Variants in GRIN2A observed in about 807,000 individuals in gnomAD.
The protein encoded by GRIN2A is glutamate receptor ionotropic, NMDA 2A.
GRIN2A carries 22 observed loss-of-function variants against 113.4 expected under a neutral mutation model. That is an observed-to-expected ratio of 0.19 (90% CI 0.14 to 0.28). The LOEUF (loss-of-function observed/expected upper bound fraction) is 0.28. Ranked by LOEUF, GRIN2A falls within the 10% of genes least tolerant of loss-of-function variation. GRIN2A has a pLI of 1.00. For missense variants in GRIN2A, 1,502 were observed against 1,887.0 expected (o/e 0.80, Z 3.78); for synonymous variants, 827 against 738.4 (o/e 1.12, Z -1.94).
intron 2 of GRIN2A, among the ~76,000 whole-genome samples, chr16:10,109,326 A>C (rs2048562923): frequency 7.0e-6 from 1 of 143,062 alleles, no homozygotes; most frequent in Admixed American, 7.6e-5. Context: ...TCTCTGCTGC[A>C]CTCTATAAAA....
At chr16:10,086,312 T>A (rs2048084368) in intron 2 of GRIN2A, among the ~76,000 whole-genome samples, 1 of 152,160 alleles carries the variant, frequency 6.6e-6, no homozygotes, top group Non-Finnish European at 1.5e-5. Flanking sequence ...GCCACAGGAA[T>A]GCTCAACAGA....
At chr16:9,998,045 T>A (rs953000466) in intron 2 of GRIN2A, among the ~76,000 whole-genome samples, 1 of 152,180 alleles carries the variant, frequency 6.6e-6, no homozygotes, top group Non-Finnish European at 1.5e-5. Flanking sequence ...AACACCTCAT[T>A]CCATAACTTT....
At chr16:10,028,077 G>T (rs541056151) in intron 2 of GRIN2A, among the ~76,000 whole-genome samples, 1 of 152,146 alleles carries the variant, frequency 6.6e-6, no homozygotes, top group Non-Finnish European at 1.5e-5. Context: ...TGAAAATGCC[G>T]ACATCATCCT....
At chr16:9,917,285 T>A (rs148284504) in intron 3 of GRIN2A, among the ~76,000 whole-genome samples, 5 of 152,364 alleles carry the variant, frequency 3.3e-5, no homozygotes, top group African/African-American at 9.6e-5. Flanking sequence ...GATTCCTTAC[T>A]CATTTTTGTT....
At chr16:10,105,524 TA>T (rs1201072031) in intron 2 of GRIN2A, among the ~76,000 whole-genome samples, 7 of 151,980 alleles carry the variant, frequency 4.6e-5, no homozygotes, top group African/African-American at 1.7e-4. Context: ...AGGGGGTGTT[TA>T]AATGCATTTG....
chr16:9,892,486 T>C (rs933385522), intron 3 of GRIN2A, among the ~76,000 whole-genome samples: 1 of 151,948 alleles, frequency 6.6e-6, no homozygotes, highest in Non-Finnish European at 1.5e-5. Flanking sequence ...AGTGGAGAGA[T>C]ATTTAGGAGG....
intron 2 of GRIN2A, among the ~76,000 whole-genome samples, chr16:10,060,034 C>A (rs1312909172): frequency 6.6e-6 from 1 of 152,120 alleles, no homozygotes; most frequent in Non-Finnish European, 1.5e-5. Flanking sequence ...TAGCAAATCC[C>A]ACAGCAGGGA....
chr16:10,112,286 T>A lies in GRIN2A; in HGVS notation c.414+67712A>T, dbSNP rs992813991. 2.2e-5 allele frequency: 14 copies of A among 645,298 alleles called. No individual in the cohort carries two copies. In the Admixed American group the frequency reaches 2.5e-4, roughly 11 times the overall value. 40.0% of individuals were successfully genotyped at this position (645,298 alleles called of 1,614,324 possible). A position where few individuals can be genotyped will look rare whatever the true frequency, so the allele number is the denominator to read the frequency against. On this transcript the variant is annotated intron_variant, in intron 2 of 12. Transcript: ENST00000330684. The stretch of plus-strand genomic sequence containing the variant: ...TCCACCTCCAGGTGATTGGGAGGAA[T>A]GTGGTGACAGCAGCCCAGGCTAAGA...
chr16:9,969,903 A>G (rs1441528077), intron 2 of GRIN2A, among the ~76,000 whole-genome samples: 1 of 152,246 alleles, frequency 6.6e-6, no homozygotes, highest in Non-Finnish European at 1.5e-5. Flanking sequence ...AGCAGCTCAC[A>G]GGAGACTCAC....
At chr16:9,923,684 A>T (rs191472815) in intron 3 of GRIN2A, among the ~76,000 whole-genome samples, 84 of 152,090 alleles carry the variant, frequency 5.5e-4, no homozygotes, top group Non-Finnish European at 1.0e-3. Context: ...ATACCATAAG[A>T]CCTTCAAATA....
chr16:10,121,577 A>T (rs2048833869), intron 2 of GRIN2A: 1 of 152,084 alleles, frequency 6.6e-6, no homozygotes, highest in Non-Finnish European at 1.5e-5. Flanking sequence ...CTCATCATCT[A>T]TTTTCATAAC....
chr16:10,092,205 A>G (rs2142084506), intron 2 of GRIN2A, among the ~76,000 whole-genome samples: 1 of 152,326 alleles, frequency 6.6e-6, no homozygotes, highest in African/African-American at 2.4e-5. Flanking sequence ...TTCTACCCAA[A>G]CAATATTTAG....
At chr16:9,927,653 C>A (rs1002612649) in intron 3 of GRIN2A, among the ~76,000 whole-genome samples, 2 of 152,170 alleles carry the variant, frequency 1.3e-5, no homozygotes, top group African/African-American at 4.8e-5. Context: ...TATATTTAAA[C>A]AGATTGACAC....
chr16:10,139,134 C>T (rs1385010419), intron 2 of GRIN2A, among the ~76,000 whole-genome samples: 1 of 152,172 alleles, frequency 6.6e-6, no homozygotes, highest in African/African-American at 2.4e-5. Context: ...AAACAGACAG[C>T]CCTGGAGGCC....
intron 11 of GRIN2A, among the ~76,000 whole-genome samples, chr16:9,777,938 G>A (rs1324306681): frequency 4.6e-5 from 7 of 152,128 alleles, no homozygotes; most frequent in East Asian, 1.9e-4. Context: ...GGTCGTGGGC[G>A]CCTGTAATCC....
chr16:10,133,341 C>T (rs2049108346), intron 2 of GRIN2A, among the ~76,000 whole-genome samples: 1 of 152,224 alleles, frequency 6.6e-6, no homozygotes, highest in African/African-American at 2.4e-5. Context: ...GGCACAGTGA[C>T]TCATGCCTGT....
intron 10 of GRIN2A, chr16:9,805,414 GT>G: frequency 6.6e-6 from 1 of 151,474 alleles, no homozygotes; most frequent in Non-Finnish European, 1.5e-5. Flanking sequence ...GTGCACATGA[GT>G]GTGTGTGTGT....
chr16:9,820,419 C>A (rs2042260559), intron 10 of GRIN2A, among the ~76,000 whole-genome samples: 1 of 152,222 alleles, frequency 6.6e-6, no homozygotes, highest in Non-Finnish European at 1.5e-5. Context: ...CACAAATATT[C>A]TATGGCTCAG....
rs2042658780 is a variant in GRIN2A, at chr16:9,840,719, G to A, written c.1579C>T (p.Pro527Ser). 6.2e-7 allele frequency: 1 copy of A among 1,611,828 alleles called. No individual in the cohort carries two copies. Among genetic ancestry groups the A allele is most frequent in the African/African-American group, 1.3e-5 (1 of 74,130 alleles). The change falls in exon 7 of 13, where the codon CCC (proline) becomes TCC (serine). Residue 527 changes from proline to serine, a missense_variant. Pro to Ser is a moderately conservative substitution (Grantham distance 74, BLOSUM62 -1). Coordinates refer to ENST00000330684, the MANE Select transcript of GRIN2A (RefSeq NM_001134407.3). ...ERSEVVDFSV[P>S]FVETGISVMV... ...ACACTGATTCCCGTTTCCACAAAGG[G>A]CACAGAGAAGTCCACCACTTCAGAA...
Sources: allele counts gnomAD v4.1 joint callset (sites outside exome capture counted in the v4.1 genomes callset), GRCh38; gene constraint gnomAD v4.1.1; transcripts MANE v1.5; gene names NCBI Gene and HGNC (gene_info 2026-07-23, HGNC 2026-07-21).